Variants in CACNA1E observed in about 807,000 individuals in gnomAD.
The protein encoded by CACNA1E is calcium voltage-gated channel subunit alpha1 E.
In CACNA1E, 40 loss-of-function variants were observed where a neutral mutation model predicts 259.2. That is an observed-to-expected ratio of 0.15 (90% CI 0.12 to 0.20). The LOEUF is 0.20. Ranked by LOEUF, CACNA1E falls within the 10% of genes least tolerant of loss-of-function variation. CACNA1E has a pLI of 1.00. For missense variants in CACNA1E, 1,874 were observed against 3,040.1 expected (o/e 0.62, Z 9.02); for synonymous variants, 1,104 against 1,138.5 (o/e 0.97, Z 0.61).
At chr1:181,781,257 TTTTG>T in intron 38 of CACNA1E, among the ~76,000 whole-genome samples, 166 bp from the exon 39 acceptor site, 1 of 152,260 alleles carries the variant, frequency 6.6e-6, no homozygotes, top group Non-Finnish European at 1.5e-5. Flanking sequence ...GTCCATTTTG[TTTTG>T]TTTTTCTTCT....
chr1:181,545,687 C>T, intron 3 of CACNA1E, among the ~76,000 whole-genome samples: 1 of 152,186 alleles, frequency 6.6e-6, no homozygotes, highest in East Asian at 1.9e-4. Context: ...TCTGCTTTAC[C>T]CTGATGGACT....
At chr1:181,594,444 G>A (rs1652959601) in intron 6 of CACNA1E, among the ~76,000 whole-genome samples, 1 of 152,214 alleles carries the variant, frequency 6.6e-6, no homozygotes, top group African/African-American at 2.4e-5. Context: ...TTTCACCTAG[G>A]CTGGAGTGCA....
intron 7 of CACNA1E, among the ~76,000 whole-genome samples, chr1:181,672,752 C>T (rs1215719510): frequency 6.6e-6 from 1 of 152,226 alleles, no homozygotes; most frequent in Non-Finnish European, 1.5e-5. Flanking sequence ...AAACATTTTC[C>T]CTGCTTTCTA....
intron 2 of CACNA1E, among the ~76,000 whole-genome samples, chr1:181,452,334 T>C (rs1661206152): frequency 1.3e-5 from 2 of 152,204 alleles, no homozygotes; most frequent in Non-Finnish European, 1.5e-5. Context: ...TAGAGGACAT[T>C]GCAGAGATAA....
chr1:181,699,857 G>A (rs1192924011), intron 7 of CACNA1E, among the ~76,000 whole-genome samples: 5 of 152,130 alleles, frequency 3.3e-5, no homozygotes. Flanking sequence ...TACTGAGGTG[G>A]GAGAGACTAG....
chr1:181,602,377 A>T (rs1350113483), intron 6 of CACNA1E, among the ~76,000 whole-genome samples: 2 of 152,166 alleles, frequency 1.3e-5, no homozygotes, highest in Admixed American at 6.5e-5. Flanking sequence ...ATTTTGGAAT[A>T]TTTGTATTAT....
At chr1:181,582,550 A>T (rs1651645072) in intron 6 of CACNA1E, among the ~76,000 whole-genome samples, 1 of 152,230 alleles carries the variant, frequency 6.6e-6, no homozygotes, top group Non-Finnish European at 1.5e-5. Context: ...GCATTTGAGG[A>T]TACAGGCGTG....
At chr1:181,507,799 A>G (rs78855848) in intron 1 of CACNA1E, among the ~76,000 whole-genome samples, 3,195 of 152,338 alleles carry the variant, frequency 0.021, 45 homozygotes, top group Non-Finnish European at 0.029. Context: ...ACTTGTGCCC[A>G]GTCCTACCTT....
At chr1:181,711,217 C>T (rs374493870) in intron 8 of CACNA1E, 148 bp downstream of exon 8, 179 of 630,208 alleles carry the variant, frequency 2.8e-4, no homozygotes, top group Non-Finnish European at 4.4e-4. Flanking sequence ...AGGTTCCCTG[C>T]TCATCCGACT....
intron 7 of CACNA1E, among the ~76,000 whole-genome samples, chr1:181,695,292 T>C (rs1468910933): frequency 6.6e-6 from 1 of 152,182 alleles, no homozygotes; most frequent in Admixed American, 6.5e-5. Flanking sequence ...TATTAAGATA[T>C]CCATTATCTC....
intron 34 of CACNA1E, 25 bp downstream of exon 34, chr1:181,763,556 C>G (rs1349241877): frequency 7.8e-6 from 12 of 1,536,622 alleles, no homozygotes; most frequent in Non-Finnish European, 9.8e-6. Flanking sequence ...CAAATCCTCT[C>G]TGAGGGTTGT....
rs112580415 is a variant in CACNA1E at position 181,544,380 on chromosome 1, T to A, written c.512+32870T>A. Among the ~76,000 whole-genome samples, 415 of 146,412 alleles carry A rather than the reference T, an allele frequency of 2.8e-3. 1 individual carries two copies. The highest frequency in any genetic ancestry group is 9.2e-3 in the African/African-American group (364 of 39,622). On this transcript the variant is annotated intron_variant, in intron 3 of 47. Coordinates refer to ENST00000367573, the MANE Select transcript of CACNA1E (RefSeq NM_001205293.3). Reference sequence around the variant, plus strand: ...TCCTAAAATTAGATAGTGGTGATGGTTGCACAATCCTGAATATACTAAAAA... The same window carrying A: ...TCCTAAAATTAGATAGTGGTGATGGATGCACAATCCTGAATATACTAAAAA...
chr1:181,653,945 G>A (rs570973403), intron 7 of CACNA1E, among the ~76,000 whole-genome samples: 6 of 152,150 alleles, frequency 3.9e-5, no homozygotes, highest in South Asian at 2.1e-4. Flanking sequence ...CTTTTGTGCC[G>A]TGCTTTTAAA....
At position 181,785,399 on chromosome 1, in the gene CACNA1E, G is replaced by A. The variant is rs2102845356; in HGVS notation, c.5660G>A (p.Arg1887Lys). 6.2e-7 allele frequency: 1 copy of A among 1,611,028 alleles called. No individual in the cohort carries two copies. The highest frequency in any genetic ancestry group is 8.5e-7 in the Non-Finnish European group (1 of 1,177,614). ...YYKQSKVKKQRQQLEEQKNAP... is the reference protein window; with the variant it reads ...YYKQSKVKKQKQQLEEQKNAP... ...AAGCAGAGTAAGGTGAAGAAGCAGA[G>A]GCAGCAGCTGGAGGAACAGGTGAAA... is the stretch of plus-strand genomic sequence containing the variant. The change falls in exon 42 of 48, where the codon AGG becomes AAG. Residue 1887 changes from arginine to lysine, a missense_variant. This residue lies in a region of CACNA1E where 542 missense variants were observed against 587.2 expected (regional missense o/e 0.92). Coordinates refer to ENST00000367573, the MANE Select transcript of CACNA1E (RefSeq NM_001205293.3).
chr1:181,387,158 C>T (rs1325959834), intron 1 of CACNA1E, among the ~76,000 whole-genome samples: 1 of 152,010 alleles, frequency 6.6e-6, no homozygotes, highest in Admixed American at 6.6e-5. Context: ...CTTCCAGAGT[C>T]TCATTTGCCC....
intron 6 of CACNA1E, among the ~76,000 whole-genome samples, chr1:181,590,765 CCTCCCTCCCACT>C (rs1406327241): frequency 1.3e-5 from 2 of 152,036 alleles, no homozygotes; most frequent in Non-Finnish European, 2.9e-5. Context: ...TGCTCCCACC[CCTCCCTCCCACT>C]CTCCCCACTC....
chr1:181,770,215 T>G (rs1659384256), intron 35 of CACNA1E, among the ~76,000 whole-genome samples: 1 of 152,322 alleles, frequency 6.6e-6, no homozygotes. Flanking sequence ...GGCTGAAAAT[T>G]GTCTCAAATG....
At chr1:181,467,696 A>G (rs1299317308) in intron 2 of CACNA1E, among the ~76,000 whole-genome samples, 1 of 152,102 alleles carries the variant, frequency 6.6e-6, no homozygotes, top group Admixed American at 6.5e-5. Context: ...GATATGAGGG[A>G]GAAAATGAAA....
chr1:181,409,343 A>G (rs1657683861), intron 1 of CACNA1E, among the ~76,000 whole-genome samples: 1 of 152,224 alleles, frequency 6.6e-6, no homozygotes, highest in Admixed American at 6.5e-5. Context: ...GCTACCCTTA[A>G]GTAACATATA....
Sources: allele counts gnomAD v4.1 joint callset (sites outside exome capture counted in the v4.1 genomes callset), GRCh38; gene constraint gnomAD v4.1.1; regional missense constraint gnomAD v4.1.1; transcripts MANE v1.5; gene names NCBI Gene and HGNC (gene_info 2026-07-23, HGNC 2026-07-21).